Variants in RASGRP1 observed in about 807,000 individuals in gnomAD.
RASGRP1 encodes the protein RAS guanyl-releasing protein 1.
In RASGRP1, 37 loss-of-function variants were observed where a neutral mutation model predicts 95.1. The observed-to-expected ratio is 0.39, with a 90% CI of 0.30 to 0.51. The LOEUF (loss-of-function observed/expected upper bound fraction) is 0.51, where lower values mean the gene tolerates loss of function less well. Ranked by LOEUF, RASGRP1 falls within the 20% of genes least tolerant of loss-of-function variation. RASGRP1 has a pLI of 0.80. For missense variants in RASGRP1, 711 were observed against 965.4 expected, an observed-to-expected ratio of 0.74 and a Z score of 3.49; for synonymous variants, 325 against 353.4, an observed-to-expected ratio of 0.92 and a Z score of 0.90.
rs370153317 is a variant in RASGRP1 at position 38,506,635 on chromosome 15, CAAA to C, written c.1243-718_1243-716del. On this transcript the variant is annotated intron_variant, in intron 9 of 16. Coordinates refer to ENST00000310803, the MANE Select transcript of RASGRP1 (RefSeq NM_005739.4). Reference sequence around the variant, plus strand: ...AGGTCATAGAGCCAGACCTTGTCTCCAAAAAAAAAAAAAAAAAAAAAAATAGTG... The same window carrying C: ...AGGTCATAGAGCCAGACCTTGTCTCCAAAAAAAAAAAAAAAAAAAATAGTG... Among the ~76,000 whole-genome samples the C allele has an allele frequency of 3.6e-3, 261 of 71,594 alleles. 1 individual carries two copies. The highest frequency in any genetic ancestry group is 0.012 in the African/African-American group (235 of 19,532). The allele number at this position is 71,594 out of a possible 152,430, so 47.0% of individuals were successfully genotyped here. A position where few individuals can be genotyped will look rare whatever the true frequency, so the allele number is the denominator to read the frequency against.
chr15:38,505,426 T>G (rs1162792301), intron 10 of RASGRP1, among the ~76,000 whole-genome samples: 1 of 152,192 alleles, frequency 6.6e-6, no homozygotes, highest in Non-Finnish European at 1.5e-5. Flanking sequence ...GTACGCATAT[T>G]ACTCTCATTA....
rs769700492 is a variant in RASGRP1 at position 38,498,951 on chromosome 15, G to C, written c.1721-5C>G. 2 of 1,613,892 alleles carry C rather than the reference G, an allele frequency of 1.2e-6. No homozygotes were observed. Among genetic ancestry groups the C allele is most frequent in the Admixed American group, 3.3e-5 (2 of 60,026 alleles). On this transcript the variant is annotated splice_region_variant and splice_polypyrimidine_tract_variant and intron_variant, in intron 14 of 16. Transcript: ENST00000310803. ...TGTGACAGTTCATCCCGCAGTCTGT[G>C]GACAAGACATCCTGGGTCAAGAAGT...
intron 2 of RASGRP1, among the ~76,000 whole-genome samples, chr15:38,537,636 G>C (rs1464453060): frequency 1.3e-5 from 2 of 152,134 alleles, no homozygotes; most frequent in African/African-American, 4.8e-5. Flanking sequence ...AGTACCAAGA[G>C]GAGGGTACTA....
At chr15:38,515,070 C>G (rs533369103) in intron 6 of RASGRP1, among the ~76,000 whole-genome samples, 2 of 152,188 alleles carry the variant, frequency 1.3e-5, no homozygotes, top group South Asian at 4.2e-4. Flanking sequence ...CAAACAGCTG[C>G]GTGAAAACAG....
chr15:38,564,814 C>T lies in RASGRP1; in HGVS notation c.-186G>A. 3.0e-6 allele frequency: 1 copy of T among 328,722 alleles called. No individual in the cohort carries two copies. Among genetic ancestry groups the T allele is most frequent in the Non-Finnish European group, 4.9e-6 (1 of 203,134 alleles). The allele number at this position is 328,722 out of a possible 1,614,324, so 20.4% of individuals were successfully genotyped here. A position where few individuals can be genotyped will look rare whatever the true frequency, so the allele number is the denominator to read the frequency against. ...CGCAGGCACAAACTTTGTGCGAGCG[C>T]GCCCCCTCTGCCTCGCGCGCGCGCT... On this transcript the variant is annotated 5_prime_UTR_variant, in exon 1 of 17. Coordinates refer to ENST00000310803, the MANE Select transcript of RASGRP1 (RefSeq NM_005739.4).
intron 9 of RASGRP1, 44 bp downstream of exon 9, chr15:38,507,682 C>T: frequency 1.3e-6 from 2 of 1,536,696 alleles, no homozygotes; most frequent in Admixed American, 2.0e-5. Flanking sequence ...TGGCACCTGG[C>T]ACACAGAAAG....
At chr15:38,533,689 G>T (rs1892531979) in intron 2 of RASGRP1, among the ~76,000 whole-genome samples, 1 of 152,182 alleles carries the variant, frequency 6.6e-6, no homozygotes, top group Non-Finnish European at 1.5e-5. Context: ...AGCCCCTCAA[G>T]ACTCAGGGGA....
intron 2 of RASGRP1, among the ~76,000 whole-genome samples, chr15:38,541,615 C>T (rs776138806): frequency 5.3e-5 from 8 of 151,916 alleles, no homozygotes; most frequent in Non-Finnish European, 1.0e-4. Flanking sequence ...TATATATATA[C>T]ACACACACAT....
At position 38,494,535 on chromosome 15, in the gene RASGRP1, A is replaced by T; in HGVS notation, c.2106T>A (p.Thr702=). The T allele has an allele frequency of 6.3e-7, 1 of 1,592,664 alleles. No individual in the cohort carries two copies. The highest frequency in any genetic ancestry group is 1.8e-5 in the Admixed American group (1 of 56,054). ...LSSPRKTAQD[T]LYVLPSPTSP... The stretch of plus-strand genomic sequence containing the variant: ...AGGTGGGACTGGGAAGCACATATAG[A>T]GTATCCTGGGCTGTCTTCCTTGGGG... Residue 702 remains threonine (T), a synonymous_variant, in exon 16 of 17, where the codon ACT becomes ACA. Coordinates refer to ENST00000310803, the MANE Select transcript of RASGRP1 (RefSeq NM_005739.4).
chr15:38,549,816 T>C (rs959948828), intron 2 of RASGRP1, among the ~76,000 whole-genome samples: 3 of 151,642 alleles, frequency 2.0e-5, no homozygotes, highest in African/African-American at 7.3e-5. Flanking sequence ...CCTTGACTAC[T>C]CTTTGGGGAA....
In RASGRP1 at chr15:38,525,005, T is replaced by A. The variant is rs533802770; in HGVS notation, c.326+1294A>T. Among the ~76,000 whole-genome samples the A allele has an allele frequency of 4.0e-5, 6 of 151,314 alleles. No individual in the cohort carries two copies. The South Asian group carries it at 1.3e-3, about 32-fold the overall frequency. The stretch of plus-strand genomic sequence containing the variant: ...TTTTTTGAGACAGAGTCTCACTTCA[T>A]TGCCCAGGCTGGAGTGCAGTGGTGT... On this transcript the variant is annotated intron_variant, in intron 3 of 16. Transcript: ENST00000310803.
In RASGRP1 at chr15:38,564,601, C is replaced by A; in HGVS notation, c.28G>T (p.Ala10Ser). MGTLGKARE[A>S]PRKPSHGCRA... is the part of the protein sequence containing the mutation. ...ACGGCCGCCTCTACTCACCGCGGAGCCTCTCTCGCCTTGCCCAGGGTGCCC... is the reference window on the plus strand; with the variant it reads ...ACGGCCGCCTCTACTCACCGCGGAGACTCTCTCGCCTTGCCCAGGGTGCCC... The change falls in exon 1 of 17, where the codon GCT becomes TCT. Residue 10 changes from alanine to serine, a missense_variant. Transcript: ENST00000310803. 7.2e-7 allele frequency: 1 copy of A among 1,380,650 alleles called. No individual in the cohort carries two copies. The highest frequency in any genetic ancestry group is 9.5e-7 in the Non-Finnish European group (1 of 1,055,346). The allele number at this position is 1,380,650 out of a possible 1,614,324, so 85.5% of individuals were successfully genotyped here.
rs1449631755 is a variant in RASGRP1 at position 38,564,665 on chromosome 15, C to A, written c.-37G>T. ...GCGCTCCCGGTGCCGGCTCACCTAG[C>A]GCGGCCGGGCGCGGCGCATCGCCCC... On this transcript the variant is annotated 5_prime_UTR_variant, in exon 1 of 17. Coordinates refer to ENST00000310803, the MANE Select transcript of RASGRP1 (RefSeq NM_005739.4). 79 of 1,238,846 alleles carry A rather than the reference C, an allele frequency of 6.4e-5. No individual in the cohort carries two copies. Among genetic ancestry groups the A allele is most frequent in the Admixed American group, 3.0e-4 (7 of 23,444 alleles). The allele number at this position is 1,238,846 out of a possible 1,614,324, so 76.7% of individuals were successfully genotyped here.
In RASGRP1 at chr15:38,490,571, G is replaced by C. The variant is rs752206174; in HGVS notation, c.2377C>G (p.Gln793Glu). 2 of 1,609,958 alleles carry C rather than the reference G, an allele frequency of 1.2e-6. No homozygotes were observed. The highest frequency in any genetic ancestry group is 1.7e-6 in the Non-Finnish European group (2 of 1,177,308). Residue 793 changes from glutamine (Q) to glutamate (E), a missense_variant, in exon 17 of 17, where the codon CAG becomes GAG. Physicochemically the swap from Gln to Glu is conservative, Grantham distance 29. Coordinates refer to ENST00000310803, the MANE Select transcript of RASGRP1 (RefSeq NM_005739.4). Reference protein sequence around the residue: ...KSNHVLAQMEQGDCS With the variant: ...KSNHVLAQMEEGDCS ...TTTCTGGGCTAAGAACAGTCACCCT[G>C]CTCCATTTGAGCTAAGACATGATTG...
chr15:38,564,265 T>C (rs558998457), intron 1 of RASGRP1, among the ~76,000 whole-genome samples: 1 of 152,290 alleles, frequency 6.6e-6, no homozygotes, highest in Admixed American at 6.5e-5. Context: ...GGAGTCCCGA[T>C]GCCGGGCGTG....
At chr15:38,502,958 A>G in intron 11 of RASGRP1, 1 of 390,336 alleles carries the variant, frequency 2.6e-6, no homozygotes, top group Non-Finnish European at 4.6e-6. Flanking sequence ...TTTCAGTTTT[A>G]GGTTTACCTG....
chr15:38,526,258 G>A, intron 3 of RASGRP1, 41 bp downstream of exon 3: 1 of 1,481,370 alleles, frequency 6.8e-7, no homozygotes, highest in Non-Finnish European at 9.4e-7. Flanking sequence ...TTTTTGGGTG[G>A]ATCCCATTTT....
Position 38,497,774 on chromosome 15 carries a change from T to C in RASGRP1, c.1873+1020A>G, listed in dbSNP as rs114552652. ...GCATCTCAAACATACTCAAAGTCATTTCCTTATTGTACTGTTGTTTGCATT... is the reference window on the plus strand; with the variant it reads ...GCATCTCAAACATACTCAAAGTCATCTCCTTATTGTACTGTTGTTTGCATT... On this transcript the variant is annotated intron_variant, in intron 15 of 16. Coordinates refer to ENST00000310803, the MANE Select transcript of RASGRP1 (RefSeq NM_005739.4). Among the ~76,000 whole-genome samples, 161 of 152,350 alleles carry C rather than the reference T, an allele frequency of 1.1e-3. 1 individual carries two copies. Among genetic ancestry groups the C allele is most frequent in the African/African-American group, 3.6e-3 (150 of 41,588 alleles).
At chr15:38,510,639 C>T (rs115985941) in intron 8 of RASGRP1, among the ~76,000 whole-genome samples, 14 of 152,280 alleles carry the variant, frequency 9.2e-5, no homozygotes, top group African/African-American at 2.2e-4. Flanking sequence ...TTTATATCCT[C>T]GGTATATTAC....
Sources: allele counts gnomAD v4.1 joint callset (sites outside exome capture counted in the v4.1 genomes callset), GRCh38; gene constraint gnomAD v4.1.1; transcripts MANE v1.5; gene names NCBI Gene and HGNC (gene_info 2026-07-23, HGNC 2026-07-21).